The following PDLIM5 variants were observed in gnomAD, a reference collection of about 807,000 sequenced individuals.
The protein encoded by PDLIM5 is PDZ and LIM domain protein 5.
PDLIM5 carries 34 observed loss-of-function variants against 64.2 expected under a neutral mutation model. The ratio of observed to expected loss-of-function variants is 0.53; its 90% confidence interval spans 0.40 to 0.71. PDLIM5 has a LOEUF of 0.71. PDLIM5 is among the 30% of genes least tolerant of loss of function. The pLI, the probability that PDLIM5 is intolerant of heterozygous loss-of-function variation, is 0.00. For missense variants in PDLIM5, 683 were observed against 733.6 expected, an observed-to-expected ratio of 0.93 and a Z score of 0.80; for synonymous variants, 253 against 269.1, an observed-to-expected ratio of 0.94 and a Z score of 0.59.
chr4:94,519,228 G>T (rs956510867), intron 2 of PDLIM5, among the ~76,000 whole-genome samples: 2 of 152,144 alleles, frequency 1.3e-5, no homozygotes, highest in African/African-American at 2.4e-5. Flanking sequence ...AGTTTGAAAC[G>T]CTGTCTTCTC....
At chr4:94,570,493 T>C (rs1183385143) in intron 3 of PDLIM5, among the ~76,000 whole-genome samples, 6 of 152,222 alleles carry the variant, frequency 3.9e-5, no homozygotes, top group East Asian at 1.9e-4. Flanking sequence ...GATATATAAC[T>C]ATTTTGTACT....
At chr4:94,656,324 A>G (rs955709455) in intron 10 of PDLIM5, among the ~76,000 whole-genome samples, 1 of 151,946 alleles carries the variant, frequency 6.6e-6, no homozygotes, top group African/African-American at 2.4e-5. Context: ...CTTTCTCTCA[A>G]TCCAAAGAAA....
At chr4:94,598,293 A>C (rs1375914882) in intron 7 of PDLIM5, among the ~76,000 whole-genome samples, 1 of 152,166 alleles carries the variant, frequency 6.6e-6, no homozygotes, top group Non-Finnish European at 1.5e-5. Context: ...TATGGCTCCT[A>C]AAATGATAAG....
At chr4:94,564,804 T>C (rs1276623132) in intron 3 of PDLIM5, among the ~76,000 whole-genome samples, 3 of 151,654 alleles carry the variant, frequency 2.0e-5, no homozygotes, top group Admixed American at 6.6e-5. Context: ...TACAGGTGAG[T>C]GCCACCACGC....
At chr4:94,458,770 T>C (rs1446383417) in intron 2 of PDLIM5, among the ~76,000 whole-genome samples, 4 of 152,230 alleles carry the variant, frequency 2.6e-5, no homozygotes, top group Non-Finnish European at 5.9e-5. Context: ...ATACAACTTG[T>C]ATCCTAAAGC....
chr4:94,511,500 ATTAAG>A (rs1271635701), intron 2 of PDLIM5, among the ~76,000 whole-genome samples: 1 of 152,058 alleles, frequency 6.6e-6, no homozygotes, highest in African/African-American at 2.4e-5. Flanking sequence ...AAAATGTACA[ATTAAG>A]TTATTATTGA....
chr4:94,475,473 T>C (rs1261726352), intron 2 of PDLIM5, among the ~76,000 whole-genome samples: 2 of 152,254 alleles, frequency 1.3e-5, no homozygotes, highest in African/African-American at 4.8e-5. Context: ...TCATGGTCAA[T>C]GTGCCCTTCC....
rs775984139 is a variant in PDLIM5 at position 94,523,823 on chromosome 4, G to T, written c.196G>T (p.Ala66Ser). 3.1e-6 allele frequency: 5 copies of T among 1,612,700 alleles called. No individual in the cohort carries two copies. Among genetic ancestry groups the T allele is most frequent in the Non-Finnish European group, 4.2e-6 (5 of 1,178,890 alleles). ...INAQGMTHLEAQNKIKGCTGS... is the reference protein window; with the variant it reads ...INAQGMTHLESQNKIKGCTGS... Reference sequence around the variant, plus strand: ...TGCACAAGGAATGACTCATCTTGAAGCCCAGAATAAGATTAAGGGTTGTAC... The same window carrying T: ...TGCACAAGGAATGACTCATCTTGAATCCCAGAATAAGATTAAGGGTTGTAC... The change falls in exon 3 of 13, where the codon GCC becomes TCC. Residue 66 changes from alanine (A) to serine (S), a missense_variant. Physicochemically the swap from Ala to Ser is moderately conservative, Grantham distance 99. Coordinates refer to ENST00000317968, the MANE Select transcript of PDLIM5 (RefSeq NM_006457.5).
chr4:94,585,772 G>GA, intron 6 of PDLIM5, 35 bp downstream of exon 6: 1 of 1,560,888 alleles, frequency 6.4e-7, no homozygotes, highest in Non-Finnish European at 8.8e-7. Flanking sequence ...ATGGATGAAT[G>GA]TTTTTTTGCC....
chr4:94,657,207 T>C (rs951595682), intron 10 of PDLIM5, among the ~76,000 whole-genome samples: 2 of 152,234 alleles, frequency 1.3e-5, no homozygotes, highest in Admixed American at 6.5e-5. Context: ...GATTGGCATT[T>C]GTAAAGAACA....
intron 2 of PDLIM5, among the ~76,000 whole-genome samples, chr4:94,468,199 G>C (rs1025095033): frequency 3.3e-5 from 5 of 152,012 alleles, no homozygotes; most frequent in African/African-American, 1.2e-4. Flanking sequence ...TGTCACTCAG[G>C]TGGAGTGCAG....
In PDLIM5 at chr4:94,559,270, A is replaced by C. The variant is rs182158794; in HGVS notation, c.249-14081A>C. Among the ~76,000 whole-genome samples, 1,165 of 152,284 alleles carry C rather than the reference A, an allele frequency of 7.7e-3. 11 individuals are homozygous for C. The highest frequency in any genetic ancestry group is 0.027 in the African/African-American group (1,103 of 41,556). On this transcript the variant is annotated intron_variant, in intron 3 of 12. Transcript: ENST00000317968. ...ATAACAGATGTTTTTGGTGGCTCTG[A>C]GATGGAAAGTTGTAATTATATGAAC...
chr4:94,606,764 G>T (rs1737960414), intron 7 of PDLIM5, among the ~76,000 whole-genome samples: 1 of 152,162 alleles, frequency 6.6e-6, no homozygotes, highest in Non-Finnish European at 1.5e-5. Context: ...AGATTTTTCA[G>T]GCCATATGGT....
chr4:94,453,778 A>G (rs756665854), intron 1 of PDLIM5, among the ~76,000 whole-genome samples: 5 of 152,022 alleles, frequency 3.3e-5, no homozygotes, highest in Non-Finnish European at 5.9e-5. Context: ...GTAGTTTTTC[A>G]CCTATATATA....
At chr4:94,580,960 G>C (rs560361050) in intron 5 of PDLIM5, among the ~76,000 whole-genome samples, 8 of 152,060 alleles carry the variant, frequency 5.3e-5, no homozygotes, top group African/African-American at 1.9e-4. Flanking sequence ...TATTTTGAGC[G>C]GTTGGGGAAT....
At chr4:94,504,288 ACTTT>A (rs760744859) in intron 2 of PDLIM5, among the ~76,000 whole-genome samples, 155 of 150,916 alleles carry the variant, frequency 1.0e-3, no homozygotes, top group Admixed American at 1.9e-3. Context: ...TGGTTGTGCG[ACTTT>A]CTTTTTTTTT....
intron 2 of PDLIM5, among the ~76,000 whole-genome samples, chr4:94,468,093 A>G (rs903458857): frequency 2.6e-5 from 4 of 152,200 alleles, no homozygotes; most frequent in African/African-American, 4.8e-5. Flanking sequence ...GTATGACTTG[A>G]TGGTGGGATT....
At chr4:94,515,135 A>C (rs1026231409) in intron 2 of PDLIM5, among the ~76,000 whole-genome samples, 4 of 152,178 alleles carry the variant, frequency 2.6e-5, no homozygotes, top group African/African-American at 9.7e-5. Context: ...GATAGCCCTA[A>C]ATAGAAATAT....
At chr4:94,580,821 T>G (rs1015693009) in intron 5 of PDLIM5, among the ~76,000 whole-genome samples, 2 of 152,110 alleles carry the variant, frequency 1.3e-5, no homozygotes, top group Non-Finnish European at 2.9e-5. Context: ...CTATATCATC[T>G]GCTTGTGACT....
Sources: allele counts gnomAD v4.1 joint callset (sites outside exome capture counted in the v4.1 genomes callset), GRCh38; gene constraint gnomAD v4.1.1; transcripts MANE v1.5; gene names NCBI Gene and HGNC (gene_info 2026-07-23, HGNC 2026-07-21).